KCP: variants seen among roughly 807,000 people sequenced by gnomAD.
The protein encoded by KCP is kielin cysteine rich BMP regulator.
A neutral mutation model predicts 212.7 loss-of-function variants in KCP; 194 were observed. The observed-to-expected ratio is 0.91, with a 90% confidence interval of 0.81 to 1.03. The LOEUF (loss-of-function observed/expected upper bound fraction) is 1.03. KCP is among the 50% of genes least tolerant of loss of function. The pLI is 0.00. For synonymous variants in KCP, 833 were observed against 865.3 expected, an observed-to-expected ratio of 0.96 and a Z score of 0.65; for missense variants, 2,080 against 2,162.5, an observed-to-expected ratio of 0.96 and a Z score of 0.76.
At position 128,891,748 on chromosome 7, in the gene KCP, A is replaced by C; in HGVS notation, c.1693T>G (p.Cys565Gly). 2 of 1,441,944 alleles carry C rather than the reference A, an allele frequency of 1.4e-6. No homozygotes were observed. The highest frequency in any genetic ancestry group is 2.6e-5 in the East Asian group (1 of 38,708). 89.3% of individuals were successfully genotyped at this position (1,441,944 alleles called of 1,614,324 possible). Reference protein sequence around the residue: ...FSHPRDPCQECRCQEGHAHCQ... With the variant: ...FSHPRDPCQEGRCQEGHAHCQ... ...TGGGCATGGCCTTCCTGGCATCGGC[A>C]CTCCTGGCAGGGGTCTCGGGGGTGG... Residue 565 changes from cysteine (C) to glycine (G), a missense_variant, in exon 17 of 40, where the codon TGC becomes GGC. Physicochemically the swap from Cys to Gly is radical, Grantham distance 159. Coordinates refer to ENST00000610776, the MANE Select transcript of KCP (RefSeq NM_001366122.1).
chr7:128,907,824 G>T (rs1451279178), intron 2 of KCP, among the ~76,000 whole-genome samples: 1 of 152,188 alleles, frequency 6.6e-6, no homozygotes, highest in Non-Finnish European at 1.5e-5. Context: ...TTGCATGAAA[G>T]AATCAATGTT....
chr7:128,900,952 T>C (rs1358729952), intron 8 of KCP, among the ~76,000 whole-genome samples: 3 of 152,230 alleles, frequency 2.0e-5, no homozygotes, highest in African/African-American at 4.8e-5. Flanking sequence ...GGCTGAGACC[T>C]ACTGGGCTGC....
rs1793494830 is a variant in KCP at position 128,884,052 on chromosome 7, G to GA, written c.3193_3194insT (p.Pro1065LeufsTer22). On this transcript the variant is annotated frameshift_variant, in exon 29 of 40. Transcript: ENST00000610776. LOFTEE classifies it high-confidence loss of function. The stretch of plus-strand genomic sequence containing the variant: ...GGGCCCAGGGGGCAGGAGCTGGCTG[G>GA]GGGGGCAGCCCACCAGGCTGGGACA... The GA allele has an allele frequency of 6.5e-7, 1 of 1,546,370 alleles. No homozygotes were observed. Among genetic ancestry groups the GA allele is most frequent in the African/African-American group, 1.4e-5 (1 of 72,890 alleles).
At chr7:128,908,595 G>A (rs1795278384) in intron 1 of KCP, 27 bp from the exon 2 acceptor site, 3 of 1,542,920 alleles carry the variant, frequency 1.9e-6, no homozygotes, top group African/African-American at 2.7e-5. Flanking sequence ...TCCCATGTGG[G>A]CCTGAGGGTG....
intron 21 of KCP, chr7:128,890,076 G>A (rs538212975): frequency 1.2e-5 from 6 of 505,198 alleles, no homozygotes; most frequent in Admixed American, 6.5e-5. Flanking sequence ...GAGGCACCAC[G>A]ACCAGCTGAT....
chr7:128,886,288 G>C (rs1273546015), intron 26 of KCP, among the ~76,000 whole-genome samples, 176 bp downstream of exon 26: 1 of 152,158 alleles, frequency 6.6e-6, no homozygotes, highest in Non-Finnish European at 1.5e-5. Context: ...GGATGGTCTG[G>C]GCAGTCCCGG....
chr7:128,906,169 G>T, intron 5 of KCP, 110 bp downstream of exon 5: 1 of 876,898 alleles, frequency 1.1e-6, no homozygotes, highest in South Asian at 1.4e-5. Flanking sequence ...CTGTCAGAGT[G>T]AGTGGGTAGG....
intron 5 of KCP, 158 bp from the exon 6 acceptor site, chr7:128,904,296 T>A (rs1457768137): frequency 2.6e-6 from 4 of 1,552,624 alleles, no homozygotes; most frequent in Non-Finnish European, 3.5e-6. Flanking sequence ...GGCCGGCAGA[T>A]GGGGCAGCAC....
In KCP at chr7:128,879,831, T is replaced by C. The variant is rs1434654651; in HGVS notation, c.3933-2A>G. On this transcript the variant is annotated splice_acceptor_variant, in intron 35 of 39. Coordinates refer to ENST00000610776, the MANE Select transcript of KCP (RefSeq NM_001366122.1). LOFTEE classifies it high-confidence loss of function. The stretch of plus-strand genomic sequence containing the variant: ...CGGTCATCATTGGTCACGTGCACAC[T>C]GTGGGCAGGAAAGTCCCAGGTGCCA... 6.4e-7 allele frequency: 1 copy of C among 1,550,824 alleles called. No individual in the cohort carries two copies. Among genetic ancestry groups the C allele is most frequent in the Non-Finnish European group, 8.7e-7 (1 of 1,146,942 alleles).
intron 8 of KCP, among the ~76,000 whole-genome samples, chr7:128,899,759 T>G (rs1794729087): frequency 7.6e-6 from 1 of 132,148 alleles, no homozygotes; most frequent in Non-Finnish European, 1.5e-5. Flanking sequence ...AATAAGAATC[T>G]GTTTTCTTTT....
chr7:128,906,356 G>T lies in KCP; in HGVS notation c.494C>A (p.Thr165Asn). The T allele has an allele frequency of 1.3e-6, 2 of 1,548,666 alleles. No individual in the cohort carries two copies. The highest frequency in any genetic ancestry group is 1.7e-6 in the Non-Finnish European group (2 of 1,145,784). ...GCATGGCTTCTGGTTGCAAGTGATG[G>T]TACCTTCCTGTGGGAGCAGACTGAG... ...ACTTCRCLEGTITCNQKPCPR... is the reference protein window; with the variant it reads ...ACTTCRCLEGNITCNQKPCPR... The change falls in exon 5 of 40, where the codon ACC becomes AAC. Residue 165 changes from threonine (T) to asparagine (N), a missense_variant. By Grantham distance (65) the Thr-to-Asn change is moderately conservative. Coordinates refer to ENST00000610776, the MANE Select transcript of KCP (RefSeq NM_001366122.1).
Position 128,893,964 on chromosome 7 carries a change from A to G in KCP, c.1005+12T>C, listed in dbSNP as rs775214172. 1.7e-5 allele frequency: 26 copies of G among 1,549,340 alleles called. No homozygotes were observed. The highest frequency in any genetic ancestry group is 2.1e-5 in the Non-Finnish European group (24 of 1,145,900). ...CGGAGCCAGGCCCTCCCTGCCAGGC[A>G]GCCACACTCACAGCACAGCGGCAGT... On this transcript the variant is annotated intron_variant, in intron 10 of 39. Transcript: ENST00000610776.
chr7:128,896,821 G>A (rs1794553984), intron 8 of KCP, among the ~76,000 whole-genome samples: 1 of 148,368 alleles, frequency 6.7e-6, no homozygotes, highest in South Asian at 2.1e-4. Context: ...AAACCGGGAG[G>A]CAGAAGTTGC....
At chr7:128,899,954 T>C (rs967821306) in intron 8 of KCP, among the ~76,000 whole-genome samples, 5 of 133,610 alleles carry the variant, frequency 3.7e-5, no homozygotes, top group Non-Finnish European at 3.0e-5. Flanking sequence ...ACAGGGTTTC[T>C]GACCTGTGGT....
rs140100486 is a variant in KCP, at chr7:128,890,840, G to T, written c.2164+65C>A. ...GCCTGGAGGAAGGGGACTGGGCAGG[G>T]CGCTCCGGGGCGGGGCGGGGCGGCA... is the stretch of plus-strand genomic sequence containing the variant. On this transcript the variant is annotated intron_variant, in intron 20 of 39. Transcript: ENST00000610776. The T allele has an allele frequency of 2.5e-6, 3 of 1,177,990 alleles. No individual in the cohort carries two copies. The East Asian group carries it at 9.2e-5, about 36-fold the overall frequency. The allele number at this position is 1,177,990 out of a possible 1,614,324, so 73.0% of individuals were successfully genotyped here.
At chr7:128,890,876 G>A in intron 20 of KCP, 29 bp downstream of exon 20, 2 of 1,246,344 alleles carry the variant, frequency 1.6e-6, no homozygotes, top group South Asian at 3.7e-5. Flanking sequence ...GGACGCGGGT[G>A]GCCGGGAGGG....
Position 128,891,021 on chromosome 7 carries a change from C to A in KCP, c.2048G>T (p.Gly683Val). Residue 683 changes from glycine (G) to valine (V), a missense_variant, in exon 20 of 40, where the codon GGC (glycine) becomes GTC (valine). Transcript: ENST00000610776. ...ARHQEYFSPP[G>V]DPCRRCLCLD... is the part of the protein sequence containing the mutation. ...GCAGAGGCAGCGGCGGCAGGGATCG[C>A]CGGGCGGGGAGAAGTACTCCTGGTG... 4 of 1,345,892 alleles carry A rather than the reference C, an allele frequency of 3.0e-6. No individual in the cohort carries two copies. The allele number at this position is 1,345,892 out of a possible 1,614,324, so 83.4% of individuals were successfully genotyped here. A position where few individuals can be genotyped will look rare whatever the true frequency, so the allele number is the denominator to read the frequency against.
In KCP at chr7:128,880,656, C is replaced by T. The variant is rs1032186186; in HGVS notation, c.3579G>A (p.Lys1193=). The change falls in exon 33 of 40, where the codon AAG becomes AAA. Residue 1193 remains lysine (K), a synonymous_variant. Coordinates refer to ENST00000610776, the MANE Select transcript of KCP (RefSeq NM_001366122.1). ...CACAGCAGCTGTCAGCCTGGGGCACCTTCGCCCAGCCATGGGGGCAGGAGA... is the reference window on the plus strand; with the variant it reads ...CACAGCAGCTGTCAGCCTGGGGCACTTTCGCCCAGCCATGGGGGCAGGAGA... ...QALSCPHGWA[K]VPQADSCCER... is the part of the protein sequence containing the mutation. 9 of 811,448 alleles carry T rather than the reference C, an allele frequency of 1.1e-5. No individual in the cohort carries two copies. In the African/African-American group the frequency reaches 1.4e-4, roughly 13 times the overall value. The allele number at this position is 811,448 out of a possible 1,614,324, so 50.3% of individuals were successfully genotyped here.
chr7:128,903,255 T>G (rs1376099579), intron 7 of KCP: 2 of 264,404 alleles, frequency 7.6e-6, no homozygotes, highest in Non-Finnish European at 1.4e-5. Context: ...CTAACTTTTC[T>G]TTATCCTTAA....
Sources: allele counts gnomAD v4.1 joint callset (sites outside exome capture counted in the v4.1 genomes callset), GRCh38; gene constraint gnomAD v4.1.1; transcripts MANE v1.5; gene names NCBI Gene and HGNC (gene_info 2026-07-23, HGNC 2026-07-21).